CAMK2D: variants seen among roughly 807,000 people sequenced by gnomAD.
CAMK2D encodes the protein calcium/calmodulin-dependent protein kinase type II subunit delta.
Under a neutral mutation model 84.0 loss-of-function variants are expected in CAMK2D, and 37 were observed. The observed-to-expected ratio is 0.44, with a 90% confidence interval of 0.34 to 0.58. The LOEUF (loss-of-function observed/expected upper bound fraction) is 0.58. Ranked by LOEUF, CAMK2D falls within the 20% of genes least tolerant of loss-of-function variation. The probability of loss-of-function intolerance (pLI) is 0.02; values close to 1 mark genes in which losing one functional copy is unlikely to be tolerated. For synonymous variants in CAMK2D, 202 were observed against 212.5 expected (o/e 0.95, Z 0.43); for missense variants, 448 against 652.5 (o/e 0.69, Z 3.41).
intron 3 of CAMK2D, among the ~76,000 whole-genome samples, chr4:113,611,860 A>T (rs1423193804): frequency 6.6e-6 from 1 of 152,186 alleles, no homozygotes; most frequent in African/African-American, 2.4e-5. Context: ...CAATTCCAAA[A>T]TAATCTCTAA....
rs548339062 is a variant in CAMK2D at position 113,603,785 on chromosome 4, A to ATG, written c.275+5366_275+5367insCA. 2.2e-4 allele frequency among the ~76,000 whole-genome samples: 18 copies of ATG among 81,544 alleles called. No individual in the cohort carries two copies. The East Asian group carries it at 8.2e-3, about 37-fold the overall frequency. The allele number at this position is 81,544 out of a possible 152,430, so 53.5% of individuals were successfully genotyped here. A position where few individuals can be genotyped will look rare whatever the true frequency, so the allele number is the denominator to read the frequency against. ...ATTTCTTGCTATTTTATATATATATATATATATATATATATATTTAAAACA... is the reference window on the plus strand; with the variant it reads ...ATTTCTTGCTATTTTATATATATATATGTATATATATATATATATTTAAAACA... On this transcript the variant is annotated intron_variant, in intron 4 of 20. Transcript: ENST00000511664.
intron 3 of CAMK2D, among the ~76,000 whole-genome samples, chr4:113,624,743 A>G (rs1019355792): frequency 6.6e-6 from 1 of 152,190 alleles, no homozygotes; most frequent in South Asian, 2.1e-4. Context: ...GGGTTGTTTT[A>G]GGCTGAGTCA....
At position 113,457,226 on chromosome 4, in the gene CAMK2D, C is replaced by T. The variant is rs1474808799; in HGVS notation, c.1535+109G>A. On this transcript the variant is annotated intron_variant, in intron 19 of 20. Coordinates refer to ENST00000511664, the MANE Select transcript of CAMK2D (RefSeq NM_001321571.2). ...AAGGCATTTATTTTCATCAGTGTAA[C>T]CAACTACTAGCGTTAAATAACATAT... 5 of 1,477,630 alleles carry T rather than the reference C, an allele frequency of 3.4e-6. No individual in the cohort carries two copies. In the East Asian group the frequency reaches 1.2e-4, roughly 36 times the overall value. 91.5% of individuals were successfully genotyped at this position (1,477,630 alleles called of 1,614,324 possible).
chr4:113,495,235 A>G (rs1410528681), intron 16 of CAMK2D, among the ~76,000 whole-genome samples: 1 of 152,230 alleles, frequency 6.6e-6, no homozygotes, highest in East Asian at 1.9e-4. Context: ...AGAAGTTATT[A>G]TACACTACAC....
At chr4:113,714,586 C>T (rs927929372) in intron 2 of CAMK2D, among the ~76,000 whole-genome samples, 2 of 152,026 alleles carry the variant, frequency 1.3e-5, no homozygotes, top group African/African-American at 4.8e-5. Flanking sequence ...CCATACCTTC[C>T]CTATACCAGG....
intron 2 of CAMK2D, among the ~76,000 whole-genome samples, chr4:113,747,551 T>C (rs1594075594): frequency 1.3e-5 from 2 of 152,136 alleles, no homozygotes; most frequent in African/African-American, 4.8e-5. Context: ...CAGAAACTTA[T>C]GAACTTTTTT....
At chr4:113,519,594 G>A (rs188521958) in intron 8 of CAMK2D, among the ~76,000 whole-genome samples, 6 of 150,546 alleles carry the variant, frequency 4.0e-5, no homozygotes, top group Non-Finnish European at 5.9e-5. Context: ...AATAAACACC[G>A]TTTTGTAAGT....
intron 16 of CAMK2D, among the ~76,000 whole-genome samples, chr4:113,485,868 T>A (rs1322586032): frequency 6.6e-6 from 1 of 152,208 alleles, no homozygotes; most frequent in Non-Finnish European, 1.5e-5. Context: ...CCTGACTGCC[T>A]GCAATACCTC....
At chr4:113,665,639 G>T (rs1202914884) in intron 2 of CAMK2D, among the ~76,000 whole-genome samples, 1 of 152,188 alleles carries the variant, frequency 6.6e-6, no homozygotes, top group East Asian at 1.9e-4. Flanking sequence ...CACAGGCCCT[G>T]AAGCCAGTGT....
chr4:113,683,968 TTG>T lies in CAMK2D; in HGVS notation c.161-22198_161-22197del, dbSNP rs529876756. 1.4e-4 allele frequency among the ~76,000 whole-genome samples: 21 copies of T among 152,292 alleles called. 2 individuals are homozygous for T. In the South Asian group the frequency reaches 3.9e-3, roughly 29 times the overall value. Reference sequence around the variant, plus strand: ...TTGTTTCTGACCTAGAGTGAGCTTTTTGACCTCTCTGTACCTCAGTTTCTTCT... The same window carrying T: ...TTGTTTCTGACCTAGAGTGAGCTTTTACCTCTCTGTACCTCAGTTTCTTCT... On this transcript the variant is annotated intron_variant, in intron 2 of 20. Transcript: ENST00000511664.
intron 16 of CAMK2D, among the ~76,000 whole-genome samples, chr4:113,468,857 C>G (rs1250116602): frequency 6.6e-6 from 1 of 152,154 alleles, no homozygotes; most frequent in Non-Finnish European, 1.5e-5. Context: ...TTCTTCCACT[C>G]CAGAGCTAGC....
chr4:113,578,040 T>C (rs972854752), intron 4 of CAMK2D, among the ~76,000 whole-genome samples: 1 of 152,166 alleles, frequency 6.6e-6, no homozygotes, highest in Non-Finnish European at 1.5e-5. Context: ...TGGCTGAGTA[T>C]TGGTATTGTG....
intron 2 of CAMK2D, among the ~76,000 whole-genome samples, chr4:113,713,971 TGA>T (rs2099503922): frequency 6.6e-6 from 1 of 151,992 alleles, no homozygotes; most frequent in Admixed American, 6.6e-5. Flanking sequence ...CTGTTTTTTG[TGA>T]GTTTTTAAAA....
At chr4:113,470,583 A>G (rs1206304608) in intron 16 of CAMK2D, among the ~76,000 whole-genome samples, 1 of 151,174 alleles carries the variant, frequency 6.6e-6, no homozygotes, top group Non-Finnish European at 1.5e-5. Flanking sequence ...GGTTGCAGTG[A>G]GCTGAGATTG....
intron 18 of CAMK2D, among the ~76,000 whole-genome samples, chr4:113,458,671 T>G (rs1411886948): frequency 6.6e-6 from 1 of 152,198 alleles, no homozygotes; most frequent in Non-Finnish European, 1.5e-5. Flanking sequence ...TTAAAGAGAA[T>G]TTATCAAATA....
At chr4:113,601,044 C>A (rs1306863599) in intron 4 of CAMK2D, among the ~76,000 whole-genome samples, 1 of 151,950 alleles carries the variant, frequency 6.6e-6, no homozygotes, top group Non-Finnish European at 1.5e-5. Flanking sequence ...GACAATTATC[C>A]CTGAAAAAAA....
chr4:113,605,674 G>T (rs1368316080), intron 4 of CAMK2D, among the ~76,000 whole-genome samples: 1 of 152,118 alleles, frequency 6.6e-6, no homozygotes, highest in Admixed American at 6.5e-5. Context: ...TATGGTAGGT[G>T]TATTGCTCCC....
At chr4:113,610,311 AC>A (rs2098994711) in intron 3 of CAMK2D, among the ~76,000 whole-genome samples, 2 of 152,186 alleles carry the variant, frequency 1.3e-5, no homozygotes, top group Non-Finnish European at 2.9e-5. Context: ...AGGGAAAGCA[AC>A]AAAGTTTTAG....
intron 16 of CAMK2D, among the ~76,000 whole-genome samples, chr4:113,493,866 T>G (rs2097884097): frequency 6.6e-6 from 1 of 152,136 alleles, no homozygotes; most frequent in Non-Finnish European, 1.5e-5. Flanking sequence ...TTCTCTAAAC[T>G]TCCCTTCTTG....
Sources: allele counts gnomAD v4.1 joint callset (sites outside exome capture counted in the v4.1 genomes callset), GRCh38; gene constraint gnomAD v4.1.1; transcripts MANE v1.5; gene names NCBI Gene and HGNC (gene_info 2026-07-23, HGNC 2026-07-21).